PKHD1: variants seen among roughly 807,000 people sequenced by gnomAD.
PKHD1 encodes the protein fibrocystin.
A neutral mutation model predicts 412.0 loss-of-function variants in PKHD1; 291 were observed. The observed-to-expected ratio is 0.71, with a 90% CI of 0.64 to 0.78. PKHD1 has a LOEUF of 0.78. PKHD1 is among the 30% of genes least tolerant of loss of function. The probability of loss-of-function intolerance (pLI) is 0.00; values close to 1 mark genes in which losing one functional copy is unlikely to be tolerated. For missense variants in PKHD1, 4,825 were observed against 4,950.7 expected, an observed-to-expected ratio of 0.97 and a Z score of 0.76; for synonymous variants, 1,777 against 1,821.5, an observed-to-expected ratio of 0.98 and a Z score of 0.62.
intron 65 of PKHD1, 119 bp from the exon 66 acceptor site, chr6:51,627,235 A>G: frequency 1.1e-6 from 1 of 898,172 alleles, no homozygotes; most frequent in Non-Finnish European, 1.8e-6. Context: ...TGCAACAGAA[A>G]GCATATAACA....
At chr6:51,899,351 G>T (rs1450466482) in intron 43 of PKHD1, among the ~76,000 whole-genome samples, 3 of 151,708 alleles carry the variant, frequency 2.0e-5, no homozygotes, top group South Asian at 4.2e-4. Context: ...GGGATGCAAG[G>T]CTGGTTCAAT....
At chr6:51,723,396 T>C (rs1003596931) in intron 60 of PKHD1, among the ~76,000 whole-genome samples, 1 of 152,172 alleles carries the variant, frequency 6.6e-6, no homozygotes, top group African/African-American at 2.4e-5. Context: ...TTCCCCAACA[T>C]GCGTGATCCT....
At chr6:51,821,654 G>A (rs1052852217) in intron 52 of PKHD1, among the ~76,000 whole-genome samples, 1 of 152,122 alleles carries the variant, frequency 6.6e-6, no homozygotes, top group African/African-American at 2.4e-5. Flanking sequence ...ATTGTGTTGT[G>A]TTTTTGTAAT....
chr6:51,819,358 T>C (rs1248271469), intron 52 of PKHD1, among the ~76,000 whole-genome samples: 1 of 152,216 alleles, frequency 6.6e-6, no homozygotes, highest in Non-Finnish European at 1.5e-5. Flanking sequence ...TTCCATGTGA[T>C]GCTTACAGGG....
At chr6:51,670,877 C>G (rs1459871924) in intron 60 of PKHD1, among the ~76,000 whole-genome samples, 1 of 151,616 alleles carries the variant, frequency 6.6e-6, no homozygotes, top group Non-Finnish European at 1.5e-5. Context: ...ATATTGGCCC[C>G]CACTCTCTTC....
Position 52,054,155 on chromosome 6 carries a change from G to C in PKHD1, c.1847C>G (p.Ala616Gly), listed in dbSNP as rs145855006. The C allele has an allele frequency of 2.9e-5, 47 of 1,613,702 alleles. No homozygotes were observed. The Admixed American group carries it at 3.0e-4, about 10-fold the overall frequency. Residue 616 changes from alanine (A) to glycine (G), a missense_variant, in exon 20 of 67, where the codon GCA (alanine) becomes GGA (glycine). Coordinates refer to ENST00000371117, the MANE Select transcript of PKHD1 (RefSeq NM_138694.4). ...RLDQYTHLCL[A>G]YKGHMNKILK... ...GATCTTGTTCATGTGGCCTTTGTAT[G>C]CAAGACACAGCTATGGACACCAAAT... is the stretch of plus-strand genomic sequence containing the variant.
intron 1 of PKHD1, among the ~76,000 whole-genome samples, chr6:52,085,860 C>A (rs561506034): frequency 1.3e-4 from 19 of 151,910 alleles, no homozygotes; most frequent in Non-Finnish European, 2.6e-4. Flanking sequence ...CATGCCTGCT[C>A]TAAGGAAAGT....
intron 61 of PKHD1, among the ~76,000 whole-genome samples, chr6:51,649,679 T>C (rs903438807): frequency 6.6e-6 from 1 of 152,132 alleles, no homozygotes; most frequent in Non-Finnish European, 1.5e-5. Context: ...ACATAGCTAA[T>C]TCTGAGATGA....
chr6:51,846,630 C>G (rs1430035298), intron 50 of PKHD1, among the ~76,000 whole-genome samples: 8 of 152,068 alleles, frequency 5.3e-5, no homozygotes, highest in Non-Finnish European at 8.8e-5. Context: ...GTGGATGGTC[C>G]TGACACACTG....
intron 65 of PKHD1, among the ~76,000 whole-genome samples, chr6:51,631,873 T>A (rs1487365832): frequency 6.7e-6 from 1 of 149,710 alleles, no homozygotes; most frequent in Non-Finnish European, 1.5e-5. Flanking sequence ...ACAAACAAAC[T>A]AAGCCCTCTC....
intron 46 of PKHD1, among the ~76,000 whole-genome samples, chr6:51,873,355 GC>G (rs1393416680): frequency 6.6e-6 from 1 of 152,190 alleles, no homozygotes; most frequent in Non-Finnish European, 1.5e-5. Context: ...AATAATGCTT[GC>G]CCTTTGGCTA....
intron 2 of PKHD1, among the ~76,000 whole-genome samples, chr6:52,084,027 A>G (rs1180468404): frequency 6.6e-6 from 1 of 152,036 alleles, no homozygotes; most frequent in Non-Finnish European, 1.5e-5. Context: ...ATTCTCCTGT[A>G]TAGATCACCA....
chr6:51,680,689 C>A (rs1016218956), intron 60 of PKHD1, among the ~76,000 whole-genome samples: 1 of 151,994 alleles, frequency 6.6e-6, no homozygotes, highest in African/African-American at 2.4e-5. Context: ...AGCCTGCTAC[C>A]TACACTATAG....
At chr6:52,008,495 A>G (rs886162616) in intron 35 of PKHD1, among the ~76,000 whole-genome samples, 2 of 152,226 alleles carry the variant, frequency 1.3e-5, no homozygotes, top group Non-Finnish European at 2.9e-5. Flanking sequence ...TGTATGTCAC[A>G]TAAGGATTTT....
chr6:51,972,746 C>T (rs9367468), intron 35 of PKHD1, among the ~76,000 whole-genome samples: 57,847 of 152,076 alleles, frequency 0.38, 12,813 homozygotes, highest in Admixed American at 0.52. Flanking sequence ...ACATCCGCCA[C>T]ACATTGTCCC....
At chr6:51,821,974 A>C (rs2151460164) in intron 52 of PKHD1, among the ~76,000 whole-genome samples, 1 of 152,330 alleles carries the variant, frequency 6.6e-6, no homozygotes, top group South Asian at 2.1e-4. Context: ...GGCGTGAGCC[A>C]CTCCACCTGG....
chr6:51,726,515 C>T (rs1782588727), intron 60 of PKHD1, among the ~76,000 whole-genome samples: 1 of 152,154 alleles, frequency 6.6e-6, no homozygotes, highest in Non-Finnish European at 1.5e-5. Flanking sequence ...TCTTGGTATA[C>T]CCCACATGAA....
Position 51,775,788 on chromosome 6 carries a change from A to C in PKHD1, c.8554+20T>G, listed in dbSNP as rs759924390. ...CACACATGCATTTTATTTTTAATAA[A>C]AACTATATTATACTCTTACCAATTG... On this transcript the variant is annotated intron_variant, in intron 54 of 66. Coordinates refer to ENST00000371117, the MANE Select transcript of PKHD1 (RefSeq NM_138694.4). 6 of 1,127,774 alleles carry C rather than the reference A, an allele frequency of 5.3e-6. No homozygotes were observed. Among genetic ancestry groups the C allele is most frequent in the Non-Finnish European group, 8.1e-6 (6 of 740,792 alleles). 69.9% of individuals were successfully genotyped at this position (1,127,774 alleles called of 1,614,324 possible).
intron 60 of PKHD1, among the ~76,000 whole-genome samples, chr6:51,674,293 A>C (rs1383596077): frequency 6.6e-6 from 1 of 152,168 alleles, no homozygotes; most frequent in Non-Finnish European, 1.5e-5. Context: ...CAGACTAACG[A>C]GTGTGGTGCT....
Sources: gnomAD v4.1 joint callset for allele counts (sites outside exome capture counted in the v4.1 genomes callset) on GRCh38, gnomAD v4.1.1 for gene constraint, MANE v1.5 for transcripts, NCBI Gene and HGNC (gene_info 2026-07-23, HGNC 2026-07-21) for gene names.